Variants in ANKFN1 observed in about 807,000 individuals in gnomAD.
ANKFN1 encodes the protein ankyrin repeat and fibronectin type-III domain-containing protein 1.
A neutral mutation model predicts 108.7 loss-of-function variants in ANKFN1; 74 were observed. That is an observed-to-expected ratio of 0.68 (90% CI 0.56 to 0.83). ANKFN1 has a LOEUF of 0.83. Ranked by LOEUF, ANKFN1 falls within the 40% of genes least tolerant of loss-of-function variation. The probability of loss-of-function intolerance (pLI) is 0.00; values close to 1 mark genes in which losing one functional copy is unlikely to be tolerated. For synonymous variants in ANKFN1, 547 were observed against 516.2 expected (o/e 1.06, Z -0.81); for missense variants, 1,505 against 1,382.3 (o/e 1.09, Z -1.41).
intron 1 of ANKFN1, among the ~76,000 whole-genome samples, chr17:56,173,089 TGAAAGTG>T (rs1364809738): frequency 6.6e-6 from 1 of 152,228 alleles, no homozygotes; most frequent in Non-Finnish European, 1.5e-5. Context: ...GTAAAATTTG[TGAAAGTG>T]GATTTTATCA....
intron 3 of ANKFN1, among the ~76,000 whole-genome samples, chr17:56,265,441 A>C (rs2043624384): frequency 6.6e-6 from 1 of 152,164 alleles, no homozygotes; most frequent in East Asian, 1.9e-4. Flanking sequence ...ATCACTTCCC[A>C]CCAGGTCCCT....
At chr17:56,172,285 G>C (rs1476821255) in intron 1 of ANKFN1, among the ~76,000 whole-genome samples, 1 of 151,986 alleles carries the variant, frequency 6.6e-6, no homozygotes, top group Non-Finnish European at 1.5e-5. Context: ...CCTTTTATTT[G>C]CCTTTTAACT....
chr17:56,504,296 T>C (rs2051479849), intron 20 of ANKFN1, among the ~76,000 whole-genome samples: 1 of 152,158 alleles, frequency 6.6e-6, no homozygotes, highest in African/African-American at 2.4e-5. Flanking sequence ...TGATTATAAC[T>C]AGGTCTTCTC....
chr17:56,347,394 GT>G (rs1161983412), intron 4 of ANKFN1, among the ~76,000 whole-genome samples: 2 of 151,974 alleles, frequency 1.3e-5, no homozygotes, highest in Non-Finnish European at 2.9e-5. Flanking sequence ...GAAAAAAAGA[GT>G]TTTGATAAGT....
intron 10 of ANKFN1, 120 bp from the exon 11 acceptor site, chr17:56,448,959 G>A (rs892053384): frequency 2.4e-5 from 17 of 702,316 alleles, no homozygotes; most frequent in African/African-American, 1.6e-4. Context: ...CTGCATGTGC[G>A]GGGTGCTCAT....
intron 4 of ANKFN1, among the ~76,000 whole-genome samples, chr17:56,081,928 C>A (rs532356593): frequency 1.3e-5 from 2 of 152,264 alleles, no homozygotes; most frequent in African/African-American, 4.8e-5. Flanking sequence ...GCCCACGCAC[C>A]GAACTCCTGA....
In ANKFN1 at chr17:56,425,847, T is replaced by C. The variant is rs895106614; in HGVS notation, c.911-14480T>C. ...ATAATCTTAAATTGACTTGACCGTC[T>C]CGCTTCCCACCATTGTACTGTTACT... On this transcript the variant is annotated intron_variant, in intron 8 of 20. Coordinates refer to ENST00000682825, the MANE Select transcript of ANKFN1 (RefSeq NM_001370326.1). Among the ~76,000 whole-genome samples the C allele has an allele frequency of 5.9e-5, 9 of 152,208 alleles. 1 individual carries two copies. The highest frequency in any genetic ancestry group is 5.9e-4 in the Admixed American group (9 of 15,280).
At chr17:56,220,833 A>AGT (rs1567846045) in intron 2 of ANKFN1, among the ~76,000 whole-genome samples, 67 of 37,956 alleles carry the variant, frequency 1.8e-3, no homozygotes, top group African/African-American at 4.3e-3. Flanking sequence ...GAAGGAAGGG[A>AGT]GGAAGGGAGG....
intron 15 of ANKFN1, among the ~76,000 whole-genome samples, chr17:56,467,779 G>GA (rs376300842): frequency 5.7e-5 from 1 of 17,512 alleles, no homozygotes; most frequent in African/African-American, 1.5e-4. Flanking sequence ...AAGAAAGAAA[G>GA]AAAGAAAGAA....
At chr17:56,307,020 G>T (rs2044849225) in intron 3 of ANKFN1, among the ~76,000 whole-genome samples, 1 of 152,270 alleles carries the variant, frequency 6.6e-6, no homozygotes, top group African/African-American at 2.4e-5. Flanking sequence ...AAACTGGCTA[G>T]CCATATGTAG....
Position 56,457,386 on chromosome 17 carries a change from G to A in ANKFN1, c.1437G>A (p.Thr479=), listed in dbSNP as rs34520699. 4.9e-3 allele frequency: 7,749 copies of A among 1,587,880 alleles called. 304 individuals are homozygous for A. The African/African-American group carries it at 0.086, about 18-fold the overall frequency. Residue 479 remains threonine (T), a synonymous_variant, in exon 13 of 21, where the codon ACG becomes ACA. Coordinates refer to ENST00000682825, the MANE Select transcript of ANKFN1 (RefSeq NM_001370326.1). ...TTACACAAGATTTTCTGTGGTTCAC[G>A]AAGGTATACTAAGTTCTGATTTCAT... The part of the protein sequence containing the change: ...SSITQDFLWF[T]KLSCMWEDIR...
intron 4 of ANKFN1, among the ~76,000 whole-genome samples, chr17:56,074,407 T>G (rs1221303183): frequency 6.6e-6 from 1 of 152,206 alleles, no homozygotes; most frequent in Non-Finnish European, 1.5e-5. Context: ...CGTGAGCCCT[T>G]GATGGCTGAA....
At chr17:56,094,674 G>GAT (rs1567785631) in intron 4 of ANKFN1, among the ~76,000 whole-genome samples, 2 of 65,158 alleles carry the variant, frequency 3.1e-5, no homozygotes, top group African/African-American at 9.6e-5. Context: ...CAGCTAATTG[G>GAT]GTTTTTTTTT....
intron 4 of ANKFN1, among the ~76,000 whole-genome samples, chr17:56,122,329 A>G (rs953988492): frequency 2.0e-5 from 3 of 152,266 alleles, no homozygotes; most frequent in Non-Finnish European, 4.4e-5. Flanking sequence ...TCTTCATTTT[A>G]TAGATGAGGA....
chr17:56,465,486 A>C (rs2050043815), intron 14 of ANKFN1, among the ~76,000 whole-genome samples: 1 of 152,206 alleles, frequency 6.6e-6, no homozygotes, highest in African/African-American at 2.4e-5. Context: ...ATTCATGCTA[A>C]CAGGGCATCT....
At chr17:56,084,433 G>T (rs754744699) in intron 4 of ANKFN1, among the ~76,000 whole-genome samples, 1 of 151,398 alleles carries the variant, frequency 6.6e-6, no homozygotes, top group Non-Finnish European at 1.5e-5. Context: ...AGACACATTT[G>T]GTTTTTCTCT....
At chr17:56,136,298 A>C (rs77815408) in intron 4 of ANKFN1, among the ~76,000 whole-genome samples, 1,650 of 152,320 alleles carry the variant, frequency 0.011, 26 homozygotes, top group African/African-American at 0.037. Flanking sequence ...CACTCAGGAC[A>C]CAGGTGATGT....
At chr17:56,136,203 T>C (rs576757605) in intron 4 of ANKFN1, among the ~76,000 whole-genome samples, 67 of 152,206 alleles carry the variant, frequency 4.4e-4, no homozygotes, top group African/African-American at 1.5e-3. Context: ...CCCCTGAATC[T>C]CACCATTCAC....
chr17:56,302,274 C>T (rs930611523), intron 3 of ANKFN1, among the ~76,000 whole-genome samples: 2 of 152,136 alleles, frequency 1.3e-5, no homozygotes, highest in Non-Finnish European at 2.9e-5. Context: ...CCGGTAATCC[C>T]GTTCCTTGGG....
Sources: gnomAD v4.1 joint callset for allele counts (sites outside exome capture counted in the v4.1 genomes callset) on GRCh38, gnomAD v4.1.1 for gene constraint, MANE v1.5 for transcripts, NCBI Gene and HGNC (gene_info 2026-07-23, HGNC 2026-07-21) for gene names.